The following TSPEAR variants were observed in gnomAD, a reference collection of about 807,000 sequenced individuals.
The protein encoded by TSPEAR is thrombospondin-type laminin G domain and EAR repeat-containing protein.
A neutral mutation model predicts 71.6 loss-of-function variants in TSPEAR; 69 were observed. The ratio of observed to expected loss-of-function variants is 0.96; its 90% CI spans 0.79 to 1.18. The LOEUF is 1.18. TSPEAR is among the 50% of genes most tolerant of loss of function. TSPEAR has a pLI of 0.00. For synonymous variants in TSPEAR, 402 were observed against 387.2 expected (o/e 1.04, Z -0.45); for missense variants, 971 against 894.9 (o/e 1.09, Z -1.09).
rs1489150231 is a variant in TSPEAR, at chr21:44,687,376, AC to A, written c.82+24056del. On this transcript the variant is annotated intron_variant, in intron 1 of 11. Coordinates refer to ENST00000323084, the MANE Select transcript of TSPEAR (RefSeq NM_144991.3). This position sits in a 1 kb window ranked among gnomAD's most constrained non-coding sequence, Gnocchi z 4.4. ...CTGTATCATAACAGAAAAAACCGGA[AC>A]GGCCCATGTGCCCATTAGCTGGTGG... Among the ~76,000 whole-genome samples the A allele has an allele frequency of 6.6e-6, 1 of 152,046 alleles. No individual in the cohort carries two copies. Among genetic ancestry groups the A allele is most frequent in the Non-Finnish European group, 1.5e-5 (1 of 68,002 alleles).
At chr21:44,660,792 C>G (rs1985442600) in intron 1 of TSPEAR, among the ~76,000 whole-genome samples, 1 of 151,304 alleles carries the variant, frequency 6.6e-6, no homozygotes, top group Admixed American at 6.6e-5. Context: ...CATGGTGAAA[C>G]CCCATCCCTA....
At chr21:44,640,923 T>C (rs1332246226) in intron 1 of TSPEAR, among the ~76,000 whole-genome samples, 1 of 151,844 alleles carries the variant, frequency 6.6e-6, no homozygotes, top group East Asian at 1.9e-4. Context: ...CCAGGAAGGG[T>C]GGGGTTGGCC....
chr21:44,503,078 CAG>C (rs1410484267), intron 11 of TSPEAR, among the ~76,000 whole-genome samples: 2 of 132,506 alleles, frequency 1.5e-5, no homozygotes, highest in African/African-American at 6.0e-5. Flanking sequence ...GGTGAGCCCT[CAG>C]GGGGAAGCAA....
chr21:44,536,704 T>C (rs993945762), intron 2 of TSPEAR, among the ~76,000 whole-genome samples: 1 of 152,142 alleles, frequency 6.6e-6, no homozygotes, highest in African/African-American at 2.4e-5. Context: ...GGAAAAACAA[T>C]AGAAATGGGA....
rs953609138 is a variant in TSPEAR, at chr21:44,530,970, C to G, written c.633+73G>C. ...ACGTCCAAGGATCTGTCAACTAGAG[C>G]AGTAGGACAACTGGCCTGGGGCAGT... On this transcript the variant is annotated intron_variant, in intron 4 of 11. Coordinates refer to ENST00000323084, the MANE Select transcript of TSPEAR (RefSeq NM_144991.3). 28 of 1,175,502 alleles carry G rather than the reference C, an allele frequency of 2.4e-5. No homozygotes were observed. In the African/African-American group the frequency reaches 4.2e-4, roughly 18 times the overall value. 72.8% of individuals were successfully genotyped at this position (1,175,502 alleles called of 1,614,324 possible).
intron 1 of TSPEAR, among the ~76,000 whole-genome samples, chr21:44,576,809 C>CA (rs1351440565): frequency 6.6e-6 from 1 of 152,094 alleles, no homozygotes; most frequent in African/African-American, 2.4e-5. Context: ...GATATTTATA[C>CA]AAAATCCCAT....
At chr21:44,632,356 G>GA (rs36123210) in intron 1 of TSPEAR, among the ~76,000 whole-genome samples, 99,172 of 151,952 alleles carry the variant, frequency 0.65, 32,522 homozygotes, top group Admixed American at 0.7. Context: ...TGCTGAAAGA[G>GA]AAAAAAACTG....
At chr21:44,676,583 G>C (rs1483413017) in intron 1 of TSPEAR, 9 of 723,290 alleles carry the variant, frequency 1.2e-5, no homozygotes, top group Admixed American at 6.1e-5. Context: ...TGTAATTCTT[G>C]TTCCGAGAGT....
rs782432748 is a variant in TSPEAR, at chr21:44,539,636, G to A, written c.304-5713C>T. The A allele has an allele frequency of 5.6e-6, 9 of 1,613,658 alleles. No individual in the cohort carries two copies. The East Asian group carries it at 1.3e-4, about 24-fold the overall frequency. ...CTGGCAGGGGGAGGAGGTGCAGCAAGCTGGATGGCAGCTAGACTGCTGGCA... is the reference window on the plus strand; with the variant it reads ...CTGGCAGGGGGAGGAGGTGCAGCAAACTGGATGGCAGCTAGACTGCTGGCA... On this transcript the variant is annotated intron_variant, in intron 2 of 11. Coordinates refer to ENST00000323084, the MANE Select transcript of TSPEAR (RefSeq NM_144991.3).
rs1555953661 is a variant in TSPEAR at position 44,711,563 on chromosome 21, G to A, written c.-49C>T. 3.6e-5 allele frequency: 57 copies of A among 1,565,914 alleles called. No individual in the cohort carries two copies. The highest frequency in any genetic ancestry group is 4.6e-5 in the Non-Finnish European group (53 of 1,151,480). ...ATCCAGGGCTCCGCTCAGCCTGCAG[G>A]GAAGTGGCTGCTCCTCAGACGTCTG... On this transcript the variant is annotated 5_prime_UTR_variant, in exon 1 of 12. Coordinates refer to ENST00000323084, the MANE Select transcript of TSPEAR (RefSeq NM_144991.3). The surrounding 1 kb of genome is among the most constrained non-coding windows in gnomAD (Gnocchi z 4.5).
At chr21:44,617,422 G>C (rs1345130420) in intron 1 of TSPEAR, among the ~76,000 whole-genome samples, 1 of 152,248 alleles carries the variant, frequency 6.6e-6, no homozygotes, top group East Asian at 1.9e-4. Context: ...CTGGGTGGGC[G>C]GAGGGCCCCA....
chr21:44,697,205 T>C (rs1335871430), intron 1 of TSPEAR: 1 of 1,613,468 alleles, frequency 6.2e-7, no homozygotes, highest in East Asian at 2.2e-5. Context: ...ATCCACCATG[T>C]CCGTCTGCTC....
chr21:44,532,383 T>C (rs184217122), intron 3 of TSPEAR, among the ~76,000 whole-genome samples: 1 of 152,316 alleles, frequency 6.6e-6, no homozygotes, highest in African/African-American at 2.4e-5. Flanking sequence ...GCCAGGACTT[T>C]CTTTACGGGG....
chr21:44,545,863 A>C (rs2075452430), intron 2 of TSPEAR, among the ~76,000 whole-genome samples: 1 of 152,208 alleles, frequency 6.6e-6, no homozygotes. Flanking sequence ...GAAAAAGAGG[A>C]GCAAACTGAA....
At chr21:44,508,609 A>G in intron 10 of TSPEAR, 1 of 1,181,676 alleles carries the variant, frequency 8.5e-7, no homozygotes, top group Admixed American at 3.6e-5. Flanking sequence ...ACTGTCCAAA[A>G]TGTGGTGCCC....
At chr21:44,560,383 T>C (rs962164510) in intron 2 of TSPEAR, among the ~76,000 whole-genome samples, 4 of 152,098 alleles carry the variant, frequency 2.6e-5, no homozygotes, top group Admixed American at 6.5e-5. Context: ...ACAATAATAG[T>C]GGGAAACTTT....
chr21:44,610,424 G>T (rs1181308919), intron 1 of TSPEAR, among the ~76,000 whole-genome samples: 1 of 152,150 alleles, frequency 6.6e-6, no homozygotes, highest in Non-Finnish European at 1.5e-5. Flanking sequence ...CCAAGCCTTG[G>T]CAGCTTCCAT....
At position 44,517,901 on chromosome 21, in the gene TSPEAR, G is replaced by GT. The variant is rs202228670; in HGVS notation, c.1566+3981dup. ...CTTTCAGTCTGATGAGATCTGGGCG[G>GT]TTTTCTTCAAGCCTTCTCTGACAAT... On this transcript the variant is annotated intron_variant, in intron 9 of 11. Coordinates refer to ENST00000323084, the MANE Select transcript of TSPEAR (RefSeq NM_144991.3). 2,051 of 468,632 alleles carry GT rather than the reference G, an allele frequency of 4.4e-3. 40 individuals are homozygous for GT. Among genetic ancestry groups the GT allele is most frequent in the African/African-American group, 0.038 (1,878 of 50,014 alleles). 29.0% of individuals were successfully genotyped at this position (468,632 alleles called of 1,614,324 possible). A position where few individuals can be genotyped will look rare whatever the true frequency, so the allele number is the denominator to read the frequency against.
intron 2 of TSPEAR, among the ~76,000 whole-genome samples, chr21:44,534,513 G>A (rs2053054389): frequency 6.6e-6 from 1 of 151,730 alleles, no homozygotes; most frequent in Non-Finnish European, 1.5e-5. Context: ...AGGGAGGGCT[G>A]CTGGGCCAGG....
Sources: gnomAD v4.1 joint callset for allele counts (sites outside exome capture counted in the v4.1 genomes callset) on GRCh38, gnomAD v4.1.1 for gene constraint, Gnocchi (gnomAD v3.1) non-coding constraint, MANE v1.5 for transcripts, NCBI Gene and HGNC (gene_info 2026-07-23, HGNC 2026-07-21) for gene names.